TLE1: variants seen among roughly 807,000 people sequenced by gnomAD.
TLE1 encodes the protein TLE family member 1, transcriptional corepressor.
TLE1 carries 21 observed loss-of-function variants against 89.8 expected under a neutral mutation model. The observed-to-expected ratio is 0.23, with a 90% CI of 0.17 to 0.34. TLE1 has a LOEUF of 0.34. TLE1 is among the 10% of genes least tolerant of loss of function. The probability of loss-of-function intolerance (pLI) is 1.00; values close to 1 mark genes in which losing one functional copy is unlikely to be tolerated. For synonymous variants in TLE1, 447 were observed against 407.6 expected (o/e 1.10, Z -1.16); for missense variants, 795 against 1,031.2 (o/e 0.77, Z 3.14).
At chr9:81,620,008 T>C (rs1825025657) in intron 9 of TLE1, among the ~76,000 whole-genome samples, 1 of 152,226 alleles carries the variant, frequency 6.6e-6, no homozygotes, top group Admixed American at 6.5e-5. Flanking sequence ...ACTATAATTT[T>C]TACTCTATTT....
chr9:81,614,922 C>G (rs149354775), intron 11 of TLE1, among the ~76,000 whole-genome samples: 1 of 151,078 alleles, frequency 6.6e-6, no homozygotes, highest in African/African-American at 2.4e-5. Context: ...AGGCCAGGTG[C>G]GGTGGCTCAC....
At chr9:81,655,746 G>A (rs1280472556) in intron 4 of TLE1, among the ~76,000 whole-genome samples, 1 of 150,774 alleles carries the variant, frequency 6.6e-6, no homozygotes, top group Non-Finnish European at 1.5e-5. Flanking sequence ...GAGAAATAGA[G>A]AATGGAAAAA....
intron 4 of TLE1, among the ~76,000 whole-genome samples, chr9:81,655,864 AAAAAAG>A (rs367883197): frequency 0.024 from 3,512 of 144,752 alleles, 116 homozygotes; most frequent in African/African-American, 0.081. Flanking sequence ...AAAAAAAAAA[AAAAAAG>A]AAAAGAAAAG....
At chr9:81,684,218 T>A (rs1326576310) in intron 4 of TLE1, among the ~76,000 whole-genome samples, 1 of 150,630 alleles carries the variant, frequency 6.6e-6, no homozygotes, top group Non-Finnish European at 1.5e-5. Flanking sequence ...TGACGATAGA[T>A]GTTAGCCACA....
At chr9:81,644,133 G>A (rs1043101640) in intron 6 of TLE1, among the ~76,000 whole-genome samples, 1 of 152,146 alleles carries the variant, frequency 6.6e-6, no homozygotes, top group Non-Finnish European at 1.5e-5. Context: ...ATTCTCGTAC[G>A]CTATTGTGGG....
chr9:81,595,479 A>T (rs763678422), intron 14 of TLE1, among the ~76,000 whole-genome samples: 8 of 152,214 alleles, frequency 5.3e-5, no homozygotes, highest in Non-Finnish European at 1.0e-4. Flanking sequence ...ACAACAAAAA[A>T]ATTGCCAGGT....
intron 6 of TLE1, among the ~76,000 whole-genome samples, chr9:81,639,580 TTTTTTTTG>T (rs1588080067): frequency 6.8e-6 from 1 of 148,124 alleles, no homozygotes. Flanking sequence ...AAGTTGTTTT[TTTTTTTTG>T]TTTTTTTTTT....
intron 6 of TLE1, among the ~76,000 whole-genome samples, chr9:81,636,962 C>T (rs1390490029): frequency 6.7e-6 from 1 of 148,552 alleles, no homozygotes; most frequent in East Asian, 2.0e-4. Context: ...GAGATCACGC[C>T]ACTGTACTCC....
chr9:81,629,644 G>A (rs968826586), intron 8 of TLE1, among the ~76,000 whole-genome samples: 1 of 152,208 alleles, frequency 6.6e-6, no homozygotes, highest in African/African-American at 2.4e-5. Flanking sequence ...ATCGAATAGT[G>A]TGTTTACACA....
chr9:81,648,321 A>C (rs1198461163), intron 6 of TLE1, among the ~76,000 whole-genome samples: 1 of 151,942 alleles, frequency 6.6e-6, no homozygotes, highest in Non-Finnish European at 1.5e-5. Context: ...ACATGCCAAA[A>C]GAAAGAAAGA....
chr9:81,605,252 C>T (rs549181414), intron 14 of TLE1, among the ~76,000 whole-genome samples: 3 of 152,180 alleles, frequency 2.0e-5, no homozygotes, highest in Non-Finnish European at 2.9e-5. Flanking sequence ...CCCTACTCAA[C>T]GTGTGGTCAG....
Position 81,593,070 on chromosome 9 carries a change from G to A in TLE1, c.1536C>T (p.Ile512=). The A allele has an allele frequency of 6.2e-7, 1 of 1,613,950 alleles. No individual in the cohort carries two copies. The highest frequency in any genetic ancestry group is 1.7e-5 in the Admixed American group (1 of 60,012). ...GGKGCVKVWD[I]SHPGNKSPVS... Reference sequence around the variant, plus strand: ...CAGGGCTCTTATTGCCAGGGTGGCTGATGTCCCAGACCTTGACGCAGCCCT... The same window carrying A: ...CAGGGCTCTTATTGCCAGGGTGGCTAATGTCCCAGACCTTGACGCAGCCCT... The change falls in exon 15 of 20, where the codon ATC becomes ATT. Residue 512 remains isoleucine (I), a synonymous_variant. Transcript: ENST00000376499.
In TLE1 at chr9:81,670,552, C is replaced by T. The variant is rs538055402; in HGVS notation, c.234+15124G>A. Among the ~76,000 whole-genome samples the T allele has an allele frequency of 2.6e-3, 392 of 152,138 alleles. 1 individual carries two copies. Among genetic ancestry groups the T allele is most frequent in the Admixed American group, 7.1e-3 (108 of 15,274 alleles). ...TATTGGCCAGACTGGTCTCGAACTC[C>T]TGACCCTCCTGACACCTTGTGATCT... On this transcript the variant is annotated intron_variant, in intron 4 of 19. Transcript: ENST00000376499.
intron 18 of TLE1, 100 bp downstream of exon 18, chr9:81,585,405 A>C: frequency 6.9e-7 from 1 of 1,443,530 alleles, no homozygotes; most frequent in Non-Finnish European, 9.4e-7. Context: ...AGCTGCTCGG[A>C]GAACATTTTT....
chr9:81,623,070 T>C (rs1825480794), intron 8 of TLE1, among the ~76,000 whole-genome samples: 1 of 152,200 alleles, frequency 6.6e-6, no homozygotes, highest in South Asian at 2.1e-4. Context: ...TCCAGCCTAA[T>C]GAGCTTCGCT....
intron 18 of TLE1, 127 bp downstream of exon 18, chr9:81,585,378 A>G: frequency 8.2e-7 from 1 of 1,224,138 alleles, no homozygotes; most frequent in East Asian, 2.4e-5. Flanking sequence ...TATTAAAACA[A>G]TAGAATTATT....
In TLE1 at chr9:81,584,005, T is replaced by G. The variant is rs1351612551; in HGVS notation, c.*193A>C. 1.7e-6 allele frequency: 1 copy of G among 581,072 alleles called. No homozygotes were observed. Among genetic ancestry groups the G allele is most frequent in the African/African-American group, 1.9e-5 (1 of 53,502 alleles). The allele number at this position is 581,072 out of a possible 1,614,324, so 36.0% of individuals were successfully genotyped here. ...CGCTTGGCCTTGGTGCTCCATTTGG[T>G]CTATGTAGACAGGTGACTTTCTGCT... On this transcript the variant is annotated 3_prime_UTR_variant, in exon 20 of 20. Coordinates refer to ENST00000376499, the MANE Select transcript of TLE1 (RefSeq NM_005077.5).
intron 4 of TLE1, among the ~76,000 whole-genome samples, chr9:81,659,409 A>T (rs2132725636): frequency 6.6e-6 from 1 of 152,316 alleles, no homozygotes; most frequent in Non-Finnish European, 1.5e-5. Context: ...CTAAGTCATA[A>T]TGCTTATAAA....
In TLE1 at chr9:81,672,463, AT is replaced by A. The variant is rs34263355; in HGVS notation, c.234+13212del. 2.7e-3 allele frequency among the ~76,000 whole-genome samples: 383 copies of A among 144,196 alleles called. 1 individual carries two copies. Among genetic ancestry groups the A allele is most frequent in the African/African-American group, 7.4e-3 (289 of 39,086 alleles). 94.6% of individuals were successfully genotyped at this position (144,196 alleles called of 152,430 possible). A position where few individuals can be genotyped will look rare whatever the true frequency, so the allele number is the denominator to read the frequency against. On this transcript the variant is annotated intron_variant, in intron 4 of 19. Transcript: ENST00000376499. ...ATTGTCCCGCCTCAGCCTCCCAACAATTTTTTTTTTTTTTGCTTCCCCAAAT... is the reference window on the plus strand; with the variant it reads ...ATTGTCCCGCCTCAGCCTCCCAACAATTTTTTTTTTTTTGCTTCCCCAAAT...
Sources: gnomAD v4.1 joint callset for allele counts (sites outside exome capture counted in the v4.1 genomes callset) on GRCh38, gnomAD v4.1.1 for gene constraint, MANE v1.5 for transcripts, NCBI Gene and HGNC (gene_info 2026-07-23, HGNC 2026-07-21) for gene names.